Variants in SDK1 observed in about 807,000 individuals in gnomAD.
The protein encoded by SDK1 is protein sidekick-1.
SDK1 carries 157 observed loss-of-function variants against 245.5 expected under a neutral mutation model. That is an observed-to-expected ratio of 0.64 (90% CI 0.56 to 0.73). The LOEUF is 0.73. Ranked by LOEUF, SDK1 falls within the 30% of genes least tolerant of loss-of-function variation. SDK1 has a pLI of 0.00. For missense variants in SDK1, 3,583 were observed against 3,002.3 expected (o/e 1.19, Z -4.52); for synonymous variants, 1,647 against 1,278.5 (o/e 1.29, Z -6.15).
intron 22 of SDK1, among the ~76,000 whole-genome samples, chr7:4,097,617 C>G (rs1375751965): frequency 1.3e-5 from 2 of 152,186 alleles, no homozygotes; most frequent in East Asian, 1.9e-4. Flanking sequence ...GGGAGAAATT[C>G]TAGTGTGCCC....
chr7:3,362,767 A>G (rs1481923970), intron 1 of SDK1, among the ~76,000 whole-genome samples: 1 of 152,158 alleles, frequency 6.6e-6, no homozygotes, highest in African/African-American at 2.4e-5. Context: ...TTCATGTACC[A>G]TGTAAAAGGT....
chr7:3,681,751 A>T (rs1459023582), intron 4 of SDK1, among the ~76,000 whole-genome samples: 1 of 152,214 alleles, frequency 6.6e-6, no homozygotes, highest in Non-Finnish European at 1.5e-5. Context: ...AATACATTGA[A>T]TCTATGAATG....
chr7:3,332,343 C>T (rs532664910), intron 1 of SDK1, among the ~76,000 whole-genome samples: 8 of 152,072 alleles, frequency 5.3e-5, no homozygotes, highest in African/African-American at 1.4e-4. Context: ...ATGTCAGTGC[C>T]GTCAGTTGTT....
intron 1 of SDK1, among the ~76,000 whole-genome samples, chr7:3,370,797 T>C (rs1432486706): frequency 6.6e-6 from 1 of 152,206 alleles, no homozygotes; most frequent in Non-Finnish European, 1.5e-5. Context: ...ACAGTGTGCA[T>C]AGCTTTGGGA....
chr7:3,620,711 A>C (rs920658244), intron 2 of SDK1, among the ~76,000 whole-genome samples: 3 of 152,108 alleles, frequency 2.0e-5, no homozygotes, highest in African/African-American at 7.2e-5. Flanking sequence ...AGCCCCAATC[A>C]GGAGCAGGCG....
At chr7:3,566,573 G>A (rs967326389) in intron 1 of SDK1, among the ~76,000 whole-genome samples, 1 of 152,042 alleles carries the variant, frequency 6.6e-6, no homozygotes, top group Non-Finnish European at 1.5e-5. Context: ...TGATCCACTT[G>A]ATTTTATCAC....
intron 4 of SDK1, among the ~76,000 whole-genome samples, chr7:3,762,576 C>T (rs112878628): frequency 5.9e-5 from 9 of 152,278 alleles, no homozygotes; most frequent in South Asian, 2.1e-4. Flanking sequence ...GTACTTTTAG[C>T]GATAGCCATT....
At chr7:3,599,448 T>C (rs56105954) in intron 1 of SDK1, among the ~76,000 whole-genome samples, 52,681 of 151,950 alleles carry the variant, frequency 0.35, 9,706 homozygotes, top group South Asian at 0.49. Flanking sequence ...GTAGAGTCTT[T>C]TGAAGAGCAG....
At chr7:3,410,893 A>G (rs142560525) in intron 1 of SDK1, among the ~76,000 whole-genome samples, 24 of 152,136 alleles carry the variant, frequency 1.6e-4, no homozygotes, top group Non-Finnish European at 2.6e-4. Context: ...AGCCCAAACC[A>G]TATTCTTAAC....
chr7:4,111,420 A>G (rs1192931603), intron 23 of SDK1, among the ~76,000 whole-genome samples: 1 of 152,236 alleles, frequency 6.6e-6, no homozygotes, highest in Non-Finnish European at 1.5e-5. Context: ...GGAACATTTC[A>G]TACGATTGGA....
At position 3,751,946 on chromosome 7, in the gene SDK1, C is replaced by G. The variant is rs377231437; in HGVS notation, c.714-69504C>G. On this transcript the variant is annotated intron_variant, in intron 4 of 44. Coordinates refer to ENST00000404826, the MANE Select transcript of SDK1 (RefSeq NM_152744.4). ...AACATTACAAACAATGGGGAAGAGACGAAAGATAGTGTTTCATGGGAGGTG... is the reference window on the plus strand; with the variant it reads ...AACATTACAAACAATGGGGAAGAGAGGAAAGATAGTGTTTCATGGGAGGTG... 2.0e-5 allele frequency among the ~76,000 whole-genome samples: 3 copies of G among 152,088 alleles called. No individual in the cohort carries two copies. In the East Asian group the frequency reaches 5.8e-4, roughly 29 times the overall value.
At position 4,214,772 on chromosome 7, in the gene SDK1, C is replaced by T. The variant is rs967369646; in HGVS notation, c.5539+4610C>T. 3.3e-4 allele frequency among the ~76,000 whole-genome samples: 51 copies of T among 152,354 alleles called. 1 individual carries two copies. Among genetic ancestry groups the T allele is most frequent in the African/African-American group, 1.2e-3 (48 of 41,588 alleles). On this transcript the variant is annotated intron_variant, in intron 38 of 44. Transcript: ENST00000404826. ...GCTGGTGACATGAGGCGTCCAGCCCCCACCCAATGGCCTTATAGAGCTTCC... is the reference window on the plus strand; with the variant it reads ...GCTGGTGACATGAGGCGTCCAGCCCTCACCCAATGGCCTTATAGAGCTTCC...
intron 4 of SDK1, among the ~76,000 whole-genome samples, chr7:3,810,759 T>C (rs1779363902): frequency 6.6e-6 from 1 of 152,150 alleles, no homozygotes; most frequent in Admixed American, 6.5e-5. Flanking sequence ...CATAAACACA[T>C]GTGGAGAAAA....
chr7:3,614,590 T>C (rs187568410), intron 1 of SDK1, among the ~76,000 whole-genome samples: 110 of 152,348 alleles, frequency 7.2e-4, no homozygotes, highest in Non-Finnish European at 1.4e-3. Context: ...ACTTGAATAC[T>C]GATCCTTCTT....
intron 28 of SDK1, among the ~76,000 whole-genome samples, chr7:4,136,913 C>T (rs1410719807): frequency 6.6e-6 from 1 of 152,208 alleles, no homozygotes; most frequent in African/African-American, 2.4e-5. Flanking sequence ...ACCCACAGGC[C>T]ACGGCATCTA....
At chr7:4,182,244 C>T (rs1782643071) in intron 35 of SDK1, among the ~76,000 whole-genome samples, 1 of 152,146 alleles carries the variant, frequency 6.6e-6, no homozygotes, top group South Asian at 2.1e-4. Context: ...CCCTCTCTGT[C>T]CCCCTCCCTC....
intron 4 of SDK1, among the ~76,000 whole-genome samples, chr7:3,710,855 T>C (rs1349997044): frequency 2.6e-5 from 4 of 152,234 alleles, no homozygotes; most frequent in Non-Finnish European, 5.9e-5. Context: ...TTTTATAGTA[T>C]ATTGAATGTT....
At chr7:4,092,957 G>T (rs1281972821) in intron 22 of SDK1, among the ~76,000 whole-genome samples, 1 of 152,212 alleles carries the variant, frequency 6.6e-6, no homozygotes, top group African/African-American at 2.4e-5. Context: ...CTTCTTTGCA[G>T]AAAAGTTTCC....
chr7:3,601,164 G>C (rs1386651748), intron 1 of SDK1, among the ~76,000 whole-genome samples: 1 of 152,092 alleles, frequency 6.6e-6, no homozygotes, highest in African/African-American at 2.4e-5. Flanking sequence ...GTTTATGAGA[G>C]ATACTGGTCT....
Sources: allele counts gnomAD v4.1 joint callset (sites outside exome capture counted in the v4.1 genomes callset), GRCh38; gene constraint gnomAD v4.1.1; transcripts MANE v1.5; gene names NCBI Gene and HGNC (gene_info 2026-07-23, HGNC 2026-07-21).